The following PKD1L3 variants were observed in gnomAD, a reference collection of about 807,000 sequenced individuals.
PKD1L3 encodes the protein polycystin 1 like 3, transient receptor potential channel interacting.
In PKD1L3, 239 loss-of-function variants were observed where a neutral mutation model predicts 184.1. The observed-to-expected ratio is 1.30, with a 90% confidence interval of 1.17 to 1.45. PKD1L3 has a LOEUF of 1.45. Ranked by LOEUF, PKD1L3 falls within the 40% of genes most tolerant of loss-of-function variation. The pLI is 0.00. For missense variants in PKD1L3, 2,660 were observed against 2,067.2 expected, an observed-to-expected ratio of 1.29 and a Z score of -5.56; for synonymous variants, 996 against 778.8, an observed-to-expected ratio of 1.28 and a Z score of -4.64.
intron 22 of PKD1L3, among the ~76,000 whole-genome samples, chr16:71,945,303 TATACACACACACACACACATATATAC>T (rs1344604498): frequency 0.031 from 1,601 of 50,920 alleles, 14 homozygotes; most frequent in East Asian, 0.1. Context: ...TATATATATA[TATACACACACACACACACATATATAC>T]ACACACACAC....
At chr16:71,937,042 C>T (rs2038203658) in intron 25 of PKD1L3, among the ~76,000 whole-genome samples, 1 of 152,146 alleles carries the variant, frequency 6.6e-6, no homozygotes, top group South Asian at 2.1e-4. Context: ...TTTCTCACAT[C>T]TAACACCATC....
chr16:71,983,663 C>CTTTTTTTTTTTTTTTTTTTTTTTTTTT (rs1180950058), intron 6 of PKD1L3, among the ~76,000 whole-genome samples: 2 of 100,308 alleles, frequency 2.0e-5, no homozygotes, highest in African/African-American at 7.8e-5. Flanking sequence ...GATTCTCTTT[C>CTTTTTTTTTTTTTTTTTTTTTTTTTTT]TTTTTTTTTT....
intron 15 of PKD1L3, among the ~76,000 whole-genome samples, chr16:71,964,370 A>T (rs1423738089): frequency 2.1e-5 from 2 of 97,504 alleles, no homozygotes; most frequent in Non-Finnish European, 3.8e-5. Context: ...ACAGAGTTTC[A>T]CTCTCTTGCA....
chr16:71,967,011 T>G, intron 15 of PKD1L3, 126 bp downstream of exon 15: 1 of 1,111,180 alleles, frequency 9.0e-7, no homozygotes, highest in Non-Finnish European at 1.3e-6. Flanking sequence ...GCTTTGAAAC[T>G]GAAATCTAAT....
intron 16 of PKD1L3, among the ~76,000 whole-genome samples, 192 bp from the exon 17 acceptor site, chr16:71,954,493 C>T (rs1272498258): frequency 2.0e-5 from 3 of 151,946 alleles, no homozygotes; most frequent in Non-Finnish European, 4.4e-5. Context: ...CGAATGTGTC[C>T]ATGTAAGATT....
In PKD1L3 at chr16:71,967,078, T is replaced by C. The variant is rs1015451367; in HGVS notation, c.2465+59A>G. On this transcript the variant is annotated intron_variant, in intron 15 of 29. Coordinates refer to ENST00000620267, the MANE Select transcript of PKD1L3 (RefSeq NM_181536.2). ...ACTGTGATTTATTGTGGTGATCTTCTTTCTTCTCTCTTGGATCCACAAAGC... is the reference window on the plus strand; with the variant it reads ...ACTGTGATTTATTGTGGTGATCTTCCTTCTTCTCTCTTGGATCCACAAAGC... The C allele has an allele frequency of 7.5e-6, 11 of 1,473,118 alleles. No homozygotes were observed. The South Asian group carries it at 1.3e-4, about 17-fold the overall frequency. The allele number at this position is 1,473,118 out of a possible 1,614,324, so 91.3% of individuals were successfully genotyped here. A position where few individuals can be genotyped will look rare whatever the true frequency, so the allele number is the denominator to read the frequency against.
chr16:71,937,409 GAAGA>G lies in PKD1L3; in HGVS notation c.4331_4334del (p.Phe1444SerfsTer4). 6.4e-7 allele frequency: 1 copy of G among 1,551,452 alleles called. No homozygotes were observed. Among genetic ancestry groups the G allele is most frequent in the South Asian group, 1.2e-5 (1 of 84,006 alleles). ...TGAAGCTTTCCAGTCTCAAAGAGGT[GAAGA>G]AAGCACCTGAGAATAACAAAGAACA... is the stretch of plus-strand genomic sequence containing the variant. On this transcript the variant is annotated frameshift_variant, in exon 25 of 30. Coordinates refer to ENST00000620267, the MANE Select transcript of PKD1L3 (RefSeq NM_181536.2). LOFTEE classifies it high-confidence loss of function.
rs1460394953 is a variant in PKD1L3, at chr16:71,949,928, C to T, written c.3473G>A (p.Trp1158Ter). Residue 1158 changes from tryptophan (W) to a stop codon, truncating the protein, a stop_gained, in exon 21 of 30, where the codon TGG becomes TAG. Coordinates refer to ENST00000620267, the MANE Select transcript of PKD1L3 (RefSeq NM_181536.2). LOFTEE classifies it high-confidence loss of function. ...CAGGCTAGTGAAACCTAAGAGGAGC[C>T]AGCAGACTGAAGTCAACCATTTGGA... ...GLSKWLTSVC[W>*]LLLGFTSLAS... 5.2e-6 allele frequency: 8 copies of T among 1,551,544 alleles called. No individual in the cohort carries two copies. The highest frequency in any genetic ancestry group is 4.4e-6 in the Non-Finnish European group (5 of 1,147,012).
At position 71,935,490 on chromosome 16, in the gene PKD1L3, C is replaced by G. The variant is rs1345335410; in HGVS notation, c.4481G>C (p.Arg1494Thr). The G allele has an allele frequency of 1.9e-6, 3 of 1,552,002 alleles. No homozygotes were observed. The highest frequency in any genetic ancestry group is 4.9e-5 in the East Asian group (2 of 40,934). The change falls in exon 26 of 30, where the codon AGG (arginine) becomes ACG (threonine). Residue 1494 changes from arginine to threonine, a missense_variant. Transcript: ENST00000620267. Reference sequence around the variant, plus strand: ...AATGTTTCTTTTCCCAGTGAAGAACCTCCACTTCTGCTGTTTCAGCTGACA... The same window carrying G: ...AATGTTTCTTTTCCCAGTGAAGAACGTCCACTTCTGCTGTTTCAGCTGACA... ...QGCQLKQQKW[R>T]FFTGKRNILD... is the part of the protein sequence containing the mutation.
At chr16:71,985,496 G>A (rs2040322246) in intron 5 of PKD1L3, among the ~76,000 whole-genome samples, 1 of 152,124 alleles carries the variant, frequency 6.6e-6, no homozygotes, top group South Asian at 2.1e-4. Flanking sequence ...ATGGCTCACT[G>A]CAGTCTGGAC....
rs1489281813 is a variant in PKD1L3 at position 71,963,185 on chromosome 16, T to C, written c.2612+20A>G. The C allele has an allele frequency of 3.3e-6, 5 of 1,534,508 alleles. No homozygotes were observed. Among genetic ancestry groups the C allele is most frequent in the Admixed American group, 2.1e-5 (1 of 48,120 alleles). On this transcript the variant is annotated intron_variant, in intron 16 of 29. Transcript: ENST00000620267. ...AGTGAACATCAATATTCACTGTTAA[T>C]AGTAATTTTCCAACAGTACCTAAAG...
At chr16:71,954,518 G>C (rs1272972010) in intron 16 of PKD1L3, among the ~76,000 whole-genome samples, 3 of 152,062 alleles carry the variant, frequency 2.0e-5, no homozygotes, top group Non-Finnish European at 4.4e-5. Flanking sequence ...TGTTGTTTTA[G>C]GATAAAAGGT....
Position 71,970,089 on chromosome 16 carries a change from G to C in PKD1L3, c.1970C>G (p.Thr657Arg), listed in dbSNP as rs1024264064. The C allele has an allele frequency of 7.1e-6, 11 of 1,551,544 alleles. No individual in the cohort carries two copies. The Admixed American group carries it at 1.6e-4, about 22-fold the overall frequency. Residue 657 changes from threonine to arginine, a missense_variant, in exon 13 of 30, where the codon ACA becomes AGA. Transcript: ENST00000620267. ...ACAGAGACACTGTGTCCTCAGAATT[G>C]TGCTCTGTGGCCCAACCTGGAATTA... ...SAGCQVGPQS[T>R]ILRTQCLCNH...
intron 22 of PKD1L3, among the ~76,000 whole-genome samples, chr16:71,945,420 TTATTTATA>T (rs2038564353): frequency 3.2e-5 from 4 of 124,626 alleles, no homozygotes; most frequent in African/African-American, 5.8e-5. Context: ...ATTTATTTAT[TTATTTATA>T]TATGTATTGG....
chr16:71,964,333 TTTTTTTTTTTTTTTTTTTTTTTTG>T (rs1289755556), intron 15 of PKD1L3, among the ~76,000 whole-genome samples: 81 of 43,168 alleles, frequency 1.9e-3, no homozygotes, highest in South Asian at 9.2e-3. Context: ...TTTTTTTTTT[TTTTTTTTTTTTTTTTTTTTTTTTG>T]AGACAGAGTT....
At chr16:71,984,635 G>C (rs550217401) in intron 5 of PKD1L3, among the ~76,000 whole-genome samples, 1 of 152,358 alleles carries the variant, frequency 6.6e-6, no homozygotes, top group African/African-American at 2.4e-5. Context: ...AAGGCAGGCA[G>C]ATCACTTGAG....
At chr16:71,960,994 G>C (rs1225204934) in intron 16 of PKD1L3, among the ~76,000 whole-genome samples, 2 of 152,138 alleles carry the variant, frequency 1.3e-5, no homozygotes, top group East Asian at 1.9e-4. Flanking sequence ...ATTTCTACCA[G>C]TTTATTCCTA....
intron 6 of PKD1L3, 42 bp from the exon 7 acceptor site, chr16:71,982,277 G>GAT: frequency 1.4e-6 from 1 of 690,256 alleles, no homozygotes; most frequent in Non-Finnish European, 1.9e-6. Flanking sequence ...TGAATTGTTT[G>GAT]CTTTTTTTTT....
chr16:71,978,167 A>G (rs1047468345), intron 10 of PKD1L3, 88 bp downstream of exon 10: 25 of 1,404,974 alleles, frequency 1.8e-5, no homozygotes, highest in African/African-American at 2.9e-5. Flanking sequence ...TCAATCTAAC[A>G]TAATTCCCTT....
Sources: allele counts gnomAD v4.1 joint callset (sites outside exome capture counted in the v4.1 genomes callset), GRCh38; gene constraint gnomAD v4.1.1; transcripts MANE v1.5; gene names NCBI Gene and HGNC (gene_info 2026-07-23, HGNC 2026-07-21).